The following DNAH11 variants were observed in gnomAD, a reference collection of about 807,000 sequenced individuals.
The protein encoded by DNAH11 is dynein axonemal heavy chain 11, also known as axonemal beta dynein heavy chain 11.
A neutral mutation model predicts 526.0 loss-of-function variants in DNAH11; 442 were observed. The observed-to-expected ratio is 0.84, with a 90% CI of 0.78 to 0.91. The LOEUF (loss-of-function observed/expected upper bound fraction) is 0.91. Among genes scored for constraint, DNAH11 ranks in the 40% least tolerant of loss-of-function variants. DNAH11 has a pLI of 0.00. For missense variants in DNAH11, 6,989 were observed against 5,448.7 expected, an observed-to-expected ratio of 1.28 and a Z score of -8.90; for synonymous variants, 2,461 against 1,935.9, an observed-to-expected ratio of 1.27 and a Z score of -7.12.
chr7:21,715,860 CCT>C (rs200169054), intron 42 of DNAH11, among the ~76,000 whole-genome samples: 11 of 119,464 alleles, frequency 9.2e-5, no homozygotes, highest in Non-Finnish European at 1.9e-4. Flanking sequence ...CTGATTTCCC[CCT>C]CCCACCCCCA....
chr7:21,810,118 A>C (rs542595950), intron 63 of DNAH11, among the ~76,000 whole-genome samples: 1 of 152,370 alleles, frequency 6.6e-6, no homozygotes, highest in South Asian at 2.1e-4. Flanking sequence ...CTTAAAGTGT[A>C]GCATTTTATA....
intron 2 of DNAH11, among the ~76,000 whole-genome samples, chr7:21,553,585 C>T (rs73066446): frequency 0.14 from 20,753 of 152,166 alleles, 1,506 homozygotes; most frequent in Non-Finnish European, 0.16. Flanking sequence ...TCTTCATCAA[C>T]GGTCATGAGG....
intron 39 of DNAH11, 137 bp downstream of exon 39, chr7:21,705,674 G>A (rs1329959157): frequency 2.6e-6 from 2 of 759,592 alleles, no homozygotes; most frequent in Admixed American, 4.6e-5. Flanking sequence ...ATCTGAGACT[G>A]GAATCTTGCT....
At chr7:21,892,096 G>T (rs893614661) in intron 76 of DNAH11, among the ~76,000 whole-genome samples, 12 of 152,252 alleles carry the variant, frequency 7.9e-5, no homozygotes, top group African/African-American at 2.4e-4. Flanking sequence ...ATGGTTGGGA[G>T]AATCAATGAA....
rs1786076175 is a variant in DNAH11 at position 21,744,917 on chromosome 7, C to T, written c.8364C>T (p.His2788=). Residue 2788 remains histidine (H), a synonymous_variant, in exon 51 of 82, where the codon CAC becomes CAT. Transcript: ENST00000409508. ...MLLQQPLIYC[H]FADRGKDPHY... ...TTCAACAGCCCCTCATTTATTGCCA[C>T]TTTGCTGATAGAGGGAAGGACCCAC... The T allele has an allele frequency of 1.9e-6, 3 of 1,611,114 alleles. No homozygotes were observed. The highest frequency in any genetic ancestry group is 1.3e-5 in the African/African-American group (1 of 74,906).
At chr7:21,739,774 T>A in intron 48 of DNAH11, 101 bp downstream of exon 48, 1 of 853,298 alleles carries the variant, frequency 1.2e-6, no homozygotes, top group Non-Finnish European at 1.8e-6. Context: ...AGCACGTTTC[T>A]CATGGCAGCT....
Position 21,647,753 on chromosome 7 carries a change from T to C in DNAH11, c.4945-8079T>C, listed in dbSNP as rs78342556. Among the ~76,000 whole-genome samples the C allele has an allele frequency of 4.5e-3, 685 of 152,136 alleles. 5 individuals carry two copies. Among genetic ancestry groups the C allele is most frequent in the Non-Finnish European group, 4.4e-3 (299 of 68,004 alleles). On this transcript the variant is annotated intron_variant, in intron 28 of 81. Transcript: ENST00000409508. The stretch of plus-strand genomic sequence containing the variant: ...GCCTACAGTGGAGTAGCAGTTTCAA[T>C]GTACTGAAAGAAAAAAAACACCTGT...
In DNAH11 at chr7:21,901,194, GAGCGA is replaced by G; in HGVS notation, c.13494_13498del (p.Ser4498ArgfsTer20). 1 of 1,613,652 alleles carries G rather than the reference GAGCGA, an allele frequency of 6.2e-7. No homozygotes were observed. Among genetic ancestry groups the G allele is most frequent in the Non-Finnish European group, 8.5e-7 (1 of 1,179,730 alleles). ...GCTACATCTGGACCTTCAGGCTGAA[GAGCGA>G]AGAGAAGACTGCAAAATGGGTTCTG... On this transcript the variant is annotated frameshift_variant, in exon 82 of 82. Coordinates refer to ENST00000409508, the MANE Select transcript of DNAH11 (RefSeq NM_001277115.2). LOFTEE classifies it high-confidence loss of function.
Position 21,720,737 on chromosome 7 carries a change from C to A in DNAH11, c.7147C>A (p.Leu2383Ile). Residue 2383 changes from leucine (L) to isoleucine (I), a missense_variant, in exon 44 of 82, where the codon CTT (leucine) becomes ATT (isoleucine). Physicochemically the swap from Leu to Ile is conservative, Grantham distance 5 (BLOSUM62 2). Coordinates refer to ENST00000409508, the MANE Select transcript of DNAH11 (RefSeq NM_001277115.2). ...TCTTTTTCTTTAGACTCTATGTGTTCTTTTGGAGTGCTTGCTGACTCCTGA... is the reference window on the plus strand; with the variant it reads ...TCTTTTTCTTTAGACTCTATGTGTTATTTTGGAGTGCTTGCTGACTCCTGA... ...ESSLVQTLCV[L>I]LECLLTPENV... 1 of 1,576,384 alleles carries A rather than the reference C, an allele frequency of 6.3e-7. No homozygotes were observed.
intron 70 of DNAH11, 81 bp from the exon 71 acceptor site, chr7:21,866,389 T>C: frequency 7.4e-7 from 1 of 1,355,538 alleles, no homozygotes; most frequent in Non-Finnish European, 1.0e-6. Flanking sequence ...TTACATAAGA[T>C]TAGATACATT....
chr7:21,625,807 A>G (rs1332768997), intron 25 of DNAH11, among the ~76,000 whole-genome samples: 5 of 152,106 alleles, frequency 3.3e-5, no homozygotes, highest in Non-Finnish European at 7.4e-5. Context: ...GTGAGTTTCC[A>G]AAATTCCTCC....
intron 53 of DNAH11, among the ~76,000 whole-genome samples, chr7:21,750,019 G>C (rs1417659308): frequency 1.3e-5 from 2 of 152,288 alleles, no homozygotes; most frequent in South Asian, 4.1e-4. Context: ...TTACACGTAC[G>C]GGTGTAGAGG....
At chr7:21,848,136 C>T (rs1295478220) in intron 66 of DNAH11, among the ~76,000 whole-genome samples, 2 of 141,236 alleles carry the variant, frequency 1.4e-5, no homozygotes, top group Non-Finnish European at 3.0e-5. Flanking sequence ...CACTGCACTC[C>T]AGCCTGGGTG....
rs112567550 is a variant in DNAH11 at position 21,824,562 on chromosome 7, C to T, written c.10691+6223C>T. Among the ~76,000 whole-genome samples, 514 of 152,160 alleles carry T rather than the reference C, an allele frequency of 3.4e-3. 3 individuals are homozygous for T. Among genetic ancestry groups the T allele is most frequent in the African/African-American group, 0.012 (494 of 41,528 alleles). On this transcript the variant is annotated intron_variant, in intron 65 of 81. Transcript: ENST00000409508. ...AAGATAAATAAAAGATCTAAATAGA[C>T]ATTTCTCCAAAGAACTACAAATAGT...
rs1784848113 is a variant in DNAH11 at position 21,901,495 on chromosome 7, G to GGAGGCAAAGGTTGCAGT, written c.*245_*261dup. 7.7e-6 allele frequency: 3 copies of GGAGGCAAAGGTTGCAGT among 389,504 alleles called. No individual in the cohort carries two copies. 24.1% of individuals were successfully genotyped at this position (389,504 alleles called of 1,614,324 possible). ...GAGGTAGGAGAATCACTTGAACCTA[G>GGAGGCAAAGGTTGCAGT]GAGGCAAAGGTTGCAGTGAGCCGAG... is the stretch of plus-strand genomic sequence containing the variant. On this transcript the variant is annotated 3_prime_UTR_variant, in exon 82 of 82. Transcript: ENST00000409508.
chr7:21,892,809 C>T (rs1182303845), intron 77 of DNAH11, 142 bp downstream of exon 77: 1 of 982,970 alleles, frequency 1.0e-6, no homozygotes, highest in Admixed American at 2.8e-5. Context: ...AATAACATTT[C>T]CAACACTCCA....
At chr7:21,708,098 G>T (rs1562501092) in intron 40 of DNAH11, among the ~76,000 whole-genome samples, 3 of 152,168 alleles carry the variant, frequency 2.0e-5, no homozygotes, top group Admixed American at 6.5e-5. Context: ...TGTAAATCAG[G>T]AGTGAAGTCA....
intron 45 of DNAH11, among the ~76,000 whole-genome samples, chr7:21,730,730 T>C (rs376722610): frequency 6.6e-6 from 1 of 152,146 alleles, no homozygotes; most frequent in African/African-American, 2.4e-5. Flanking sequence ...ATACAAAATT[T>C]CAGTTAGGAG....
At chr7:21,874,440 A>C (rs1157170546) in intron 74 of DNAH11, among the ~76,000 whole-genome samples, 1 of 151,860 alleles carries the variant, frequency 6.6e-6, no homozygotes, top group Non-Finnish European at 1.5e-5. Context: ...GGTTGAAGCG[A>C]TTCTCCTGCC....
Sources: gnomAD v4.1 joint callset for allele counts (sites outside exome capture counted in the v4.1 genomes callset) on GRCh38, gnomAD v4.1.1 for gene constraint, MANE v1.5 for transcripts, NCBI Gene and HGNC (gene_info 2026-07-23, HGNC 2026-07-21) for gene names.